Variants in BRAF observed in about 807,000 individuals in gnomAD.
BRAF encodes the protein serine/threonine-protein kinase B-raf.
BRAF carries 16 observed loss-of-function variants against 104.6 expected under a neutral mutation model. The ratio of observed to expected loss-of-function variants is 0.15; its 90% CI spans 0.10 to 0.23. BRAF has a LOEUF of 0.23. BRAF is among the 10% of genes least tolerant of loss of function. The pLI is 1.00. For synonymous variants in BRAF, 310 were observed against 341.6 expected (o/e 0.91, Z 1.02); for missense variants, 541 against 937.3 (o/e 0.58, Z 5.52).
At chr7:140,812,160 C>CTGTGTGTGTGTGTGTGTGTGTGTGTG in intron 3 of BRAF, among the ~76,000 whole-genome samples, 1 of 140,628 alleles carries the variant, frequency 7.1e-6, no homozygotes, top group South Asian at 2.4e-4. Flanking sequence ...GCATGCACAC[C>CTGTGTGTGTGTGTGTGTGTGTGTGTG]TGTGTGTGTG....
chr7:140,726,219 A>G lies in BRAF; in HGVS notation c.*275T>C, dbSNP rs1795590661. 1 of 1,278,044 alleles carries G rather than the reference A, an allele frequency of 7.8e-7. No homozygotes were observed. The highest frequency in any genetic ancestry group is 9.9e-7 in the Non-Finnish European group (1 of 1,013,206). The allele number at this position is 1,278,044 out of a possible 1,614,324, so 79.2% of individuals were successfully genotyped here. ...CATGCCTGACCATCAAAAGGTCAGA[A>G]TTCAGGGTCTCTCCTCTTTCTTCCT... On this transcript the variant is annotated 3_prime_UTR_variant, in exon 20 of 20. Coordinates refer to ENST00000644969, the MANE Select transcript of BRAF (RefSeq NM_001374258.1).
At chr7:140,851,865 C>T (rs1342470573) in intron 1 of BRAF, among the ~76,000 whole-genome samples, 2 of 152,160 alleles carry the variant, frequency 1.3e-5, no homozygotes, top group African/African-American at 4.8e-5. Context: ...TGGAAAATTC[C>T]CTATACTGCA....
intron 2 of BRAF, among the ~76,000 whole-genome samples, chr7:140,846,228 C>T (rs1344114796): frequency 7.9e-5 from 12 of 152,034 alleles, no homozygotes; most frequent in Admixed American, 7.9e-4. Flanking sequence ...TTGATAATAG[C>T]CAAAACGTAG....
At chr7:140,751,548 A>T (rs1797788672) in intron 16 of BRAF, among the ~76,000 whole-genome samples, 1 of 152,154 alleles carries the variant, frequency 6.6e-6, no homozygotes, top group Non-Finnish European at 1.5e-5. Context: ...CCAGTCACCG[A>T]ATCTTAGAAA....
chr7:140,746,156 G>A (rs894373930), intron 17 of BRAF, among the ~76,000 whole-genome samples: 1 of 152,136 alleles, frequency 6.6e-6, no homozygotes, highest in Non-Finnish European at 1.5e-5. Flanking sequence ...TTGTTATGCA[G>A]CAATTATAAC....
At chr7:140,743,322 C>A (rs1355578674) in intron 17 of BRAF, among the ~76,000 whole-genome samples, 2 of 151,702 alleles carry the variant, frequency 1.3e-5, no homozygotes, top group African/African-American at 4.9e-5. Context: ...TGGAACCAAC[C>A]CAAATGTCCA....
chr7:140,721,802 GGCCA>G lies in BRAF; in HGVS notation c.*4688_*4691del. Reference sequence around the variant, plus strand: ...GAATATGTTTTCTTTTACATCCAATGGCCAGGTCATAAAGGATGCCTTGAGACCT... The same window carrying G: ...GAATATGTTTTCTTTTACATCCAATGGGTCATAAAGGATGCCTTGAGACCT... On this transcript the variant is annotated 3_prime_UTR_variant, in exon 20 of 20. Coordinates refer to ENST00000644969, the MANE Select transcript of BRAF (RefSeq NM_001374258.1). 1 of 1,419,434 alleles carries G rather than the reference GGCCA, an allele frequency of 7.0e-7. No homozygotes were observed. The highest frequency in any genetic ancestry group is 9.2e-7 in the Non-Finnish European group (1 of 1,088,506). The allele number at this position is 1,419,434 out of a possible 1,614,324, so 87.9% of individuals were successfully genotyped here. A position where few individuals can be genotyped will look rare whatever the true frequency, so the allele number is the denominator to read the frequency against.
At chr7:140,921,614 T>A (rs1230274359) in intron 1 of BRAF, among the ~76,000 whole-genome samples, 1 of 152,122 alleles carries the variant, frequency 6.6e-6, no homozygotes, top group Non-Finnish European at 1.5e-5. Flanking sequence ...CATAGTGTTA[T>A]AAAAGCATTA....
intron 2 of BRAF, among the ~76,000 whole-genome samples, chr7:140,849,022 ATC>A (rs1195612247): frequency 6.6e-6 from 1 of 152,330 alleles, no homozygotes; most frequent in African/African-American, 2.4e-5. Context: ...GTGCTTAAAA[ATC>A]TCTGGTATTT....
At chr7:140,874,243 C>A (rs1026430733) in intron 1 of BRAF, among the ~76,000 whole-genome samples, 1 of 149,266 alleles carries the variant, frequency 6.7e-6, no homozygotes, top group African/African-American at 2.5e-5. Context: ...CTCACTGTCG[C>A]CAGACTGGAG....
chr7:140,837,635 T>C (rs1343990388), intron 2 of BRAF, among the ~76,000 whole-genome samples: 1 of 152,256 alleles, frequency 6.6e-6, no homozygotes, highest in Non-Finnish European at 1.5e-5. Flanking sequence ...ACTGGTCTAA[T>C]TAGTTCTATG....
At chr7:140,771,409 G>A (rs1448128566) in intron 14 of BRAF, among the ~76,000 whole-genome samples, 1 of 152,112 alleles carries the variant, frequency 6.6e-6, no homozygotes, top group Non-Finnish European at 1.5e-5. Context: ...GCCCAGGCTG[G>A]TCTTGAACTC....
intron 3 of BRAF, among the ~76,000 whole-genome samples, chr7:140,817,792 GTTC>G (rs1020072571): frequency 2.0e-4 from 31 of 152,212 alleles, no homozygotes; most frequent in African/African-American, 6.7e-4. Context: ...GCACAAGAAT[GTTC>G]TTATTACAGC....
chr7:140,754,456 T>C (rs903255224), intron 14 of BRAF, among the ~76,000 whole-genome samples: 5 of 152,210 alleles, frequency 3.3e-5, no homozygotes, highest in Non-Finnish European at 7.3e-5. Context: ...TTGTTTTCTA[T>C]TAAAAGACTT....
downstream of BRAF, among the ~76,000 whole-genome samples, chr7:140,715,479 GT>G (rs1332681789): frequency 6.6e-6 from 1 of 152,066 alleles, no homozygotes; most frequent in Non-Finnish European, 1.5e-5. Flanking sequence ...ATCAATAAAA[GT>G]TTTTTTGGAA....
chr7:140,789,082 G>A (rs1008900887), intron 8 of BRAF, among the ~76,000 whole-genome samples: 10 of 151,704 alleles, frequency 6.6e-5, no homozygotes, highest in Non-Finnish European at 1.2e-4. Flanking sequence ...GGTGGCACGC[G>A]ACTGTAATCC....
intron 3 of BRAF, among the ~76,000 whole-genome samples, chr7:140,813,862 C>T (rs1804539753): frequency 6.6e-6 from 1 of 152,002 alleles, no homozygotes; most frequent in Non-Finnish European, 1.5e-5. Flanking sequence ...CGTGTACACA[C>T]ATGCACATGC....
downstream of BRAF, among the ~76,000 whole-genome samples, chr7:140,718,902 C>T (rs779532319): frequency 6.6e-5 from 10 of 152,070 alleles, no homozygotes; most frequent in Non-Finnish European, 1.3e-4. Context: ...TAAATGTTAG[C>T]GTGCGTGTGC....
chr7:140,849,791 G>A (rs528436983), intron 2 of BRAF, among the ~76,000 whole-genome samples: 11 of 151,746 alleles, frequency 7.2e-5, no homozygotes, highest in Middle Eastern at 3.4e-3. Context: ...CAGCCTGGGC[G>A]ACAGAGCGAG....
Sources: allele counts gnomAD v4.1 joint callset (sites outside exome capture counted in the v4.1 genomes callset), GRCh38; gene constraint gnomAD v4.1.1; transcripts MANE v1.5; gene names NCBI Gene and HGNC (gene_info 2026-07-23, HGNC 2026-07-21).